Variants in CCDC171 observed in about 807,000 individuals in gnomAD.
CCDC171 encodes the protein coiled-coil domain containing 171.
In CCDC171, 177 loss-of-function variants were observed where a neutral mutation model predicts 168.2. That is an observed-to-expected ratio of 1.05 (90% CI 0.93 to 1.19). The LOEUF is 1.19. Among genes scored for constraint, CCDC171 ranks in the 50% most tolerant of loss-of-function variants. The probability of loss-of-function intolerance (pLI) is 0.00; values close to 1 mark genes in which losing one functional copy is unlikely to be tolerated. For missense variants in CCDC171, 1,991 were observed against 1,539.0 expected, an observed-to-expected ratio of 1.29 and a Z score of -4.91; for synonymous variants, 687 against 540.8, an observed-to-expected ratio of 1.27 and a Z score of -3.75.
intron 6 of CCDC171, among the ~76,000 whole-genome samples, chr9:15,599,509 G>C (rs971652722): frequency 1.3e-5 from 2 of 152,122 alleles, no homozygotes; most frequent in Admixed American, 6.6e-5. Context: ...ATTTTCTGCC[G>C]AGAGATCCGC....
At chr9:15,675,404 A>C (rs1014728791) in intron 9 of CCDC171, among the ~76,000 whole-genome samples, 2 of 152,004 alleles carry the variant, frequency 1.3e-5, no homozygotes, top group African/African-American at 2.4e-5. Flanking sequence ...TGTGAATCTG[A>C]TCCTGTCATT....
At chr9:15,632,898 C>G (rs1393109084) in intron 7 of CCDC171, among the ~76,000 whole-genome samples, 1 of 152,096 alleles carries the variant, frequency 6.6e-6, no homozygotes, top group Non-Finnish European at 1.5e-5. Flanking sequence ...CTTTGACAAA[C>G]CTGAGAAAAA....
chr9:16,076,000 G>A, the CCDC171 span, among the ~76,000 whole-genome samples: 149 of 152,296 alleles, frequency 9.8e-4, no homozygotes, highest in African/African-American at 3.5e-3. Flanking sequence ...ACTCCTTATT[G>A]CAAGTGATAG....
chr9:16,059,802 C>T (rs951362926), intron 1 of CCDC171, among the ~76,000 whole-genome samples: 18 of 151,552 alleles, frequency 1.2e-4, no homozygotes, highest in African/African-American at 3.9e-4. Context: ...GCGTGAGCCA[C>T]CGCGCCTGGC....
intron 18 of CCDC171, among the ~76,000 whole-genome samples, chr9:15,773,800 TA>T (rs1238394256): frequency 6.6e-6 from 1 of 152,034 alleles, no homozygotes; most frequent in Non-Finnish European, 1.5e-5. Context: ...GGGGCATAAT[TA>T]AACTAAAAAG....
intron 18 of CCDC171, among the ~76,000 whole-genome samples, chr9:15,772,613 G>T (rs1174284261): frequency 6.6e-6 from 1 of 152,190 alleles, no homozygotes; most frequent in Non-Finnish European, 1.5e-5. Flanking sequence ...AGATGTTCCT[G>T]TGAAAGTAAG....
chr9:15,572,975 A>G (rs1209122842), intron 3 of CCDC171, among the ~76,000 whole-genome samples: 3 of 152,180 alleles, frequency 2.0e-5, no homozygotes, highest in Non-Finnish European at 2.9e-5. Flanking sequence ...CCTGGCCAAC[A>G]TGGTGAAACC....
intron 3 of CCDC171, among the ~76,000 whole-genome samples, chr9:15,985,665 A>G (rs1042216214): frequency 2.0e-5 from 3 of 152,256 alleles, no homozygotes; most frequent in African/African-American, 7.2e-5. Flanking sequence ...CAATTTAGGA[A>G]GAAACAAGTT....
chr9:15,794,943 C>T (rs1486078410), intron 21 of CCDC171, among the ~76,000 whole-genome samples: 1 of 152,220 alleles, frequency 6.6e-6, no homozygotes, highest in Non-Finnish European at 1.5e-5. Context: ...CTACTGTCAT[C>T]ACTTTCTTGA....
chr9:15,807,637 TCAATTGCC>T lies in CCDC171; in HGVS notation c.3267+22944_3267+22951del, dbSNP rs149438367. On this transcript the variant is annotated intron_variant, in intron 21 of 25. Coordinates refer to ENST00000380701, the MANE Select transcript of CCDC171 (RefSeq NM_173550.4). ...GCTTACTACTTTGCTCTTCAGTTGC[TCAATTGCC>T]TTACCTTATGGATTTTTTTTACTCT... is the stretch of plus-strand genomic sequence containing the variant. Among the ~76,000 whole-genome samples, 1,050 of 152,182 alleles carry T rather than the reference TCAATTGCC, an allele frequency of 6.9e-3. 9 individuals are homozygous for T. The highest frequency in any genetic ancestry group is 0.024 in the African/African-American group (997 of 41,496).
chr9:15,701,089 G>A (rs890263369), intron 11 of CCDC171, among the ~76,000 whole-genome samples: 2 of 151,970 alleles, frequency 1.3e-5, no homozygotes, highest in Non-Finnish European at 2.9e-5. Flanking sequence ...GGATCGTTTG[G>A]GTGTTTTTTT....
At chr9:15,767,967 T>A (rs1170286212) in intron 18 of CCDC171, among the ~76,000 whole-genome samples, 1 of 149,954 alleles carries the variant, frequency 6.7e-6, no homozygotes, top group Non-Finnish European at 1.5e-5. Context: ...ACTCCTGAGC[T>A]TAGGCAGTGC....
At chr9:16,055,275 G>A (rs1833820215) in intron 1 of CCDC171, among the ~76,000 whole-genome samples, 1 of 152,166 alleles carries the variant, frequency 6.6e-6, no homozygotes, top group Non-Finnish European at 1.5e-5. Flanking sequence ...GCCCAGAGAT[G>A]TTTTGGCAGA....
chr9:16,013,084 C>G (rs982398395), intron 3 of CCDC171, among the ~76,000 whole-genome samples: 3 of 152,184 alleles, frequency 2.0e-5, no homozygotes, highest in African/African-American at 4.8e-5. Flanking sequence ...GTCCCCAACT[C>G]TCTTCCTTCA....
chr9:15,981,857 T>G (rs1831806908), intron 3 of CCDC171, among the ~76,000 whole-genome samples: 1 of 152,158 alleles, frequency 6.6e-6, no homozygotes, highest in Non-Finnish European at 1.5e-5. Context: ...TGAAAAAGCG[T>G]CTGAAGTTCT....
At chr9:15,931,457 T>A (rs1826493755) in intron 25 of CCDC171, among the ~76,000 whole-genome samples, 1 of 47,124 alleles carries the variant, frequency 2.1e-5, no homozygotes, top group Non-Finnish European at 5.4e-5. Context: ...TCTTTCTTTC[T>A]TTTTTTTTTT....
chr9:15,646,990 C>A (rs1401418804), intron 7 of CCDC171, among the ~76,000 whole-genome samples: 1 of 152,182 alleles, frequency 6.6e-6, no homozygotes, highest in Non-Finnish European at 1.5e-5. Flanking sequence ...AAATTGACCA[C>A]ATAGTTGGAA....
intron 7 of CCDC171, among the ~76,000 whole-genome samples, chr9:15,628,290 C>G (rs551959949): frequency 2.6e-5 from 4 of 152,292 alleles, no homozygotes; most frequent in Admixed American, 1.3e-4. Flanking sequence ...AAAGGGATGA[C>G]AGGTGGCACC....
At chr9:15,577,171 T>C (rs1426818005) in intron 3 of CCDC171, among the ~76,000 whole-genome samples, 1 of 152,216 alleles carries the variant, frequency 6.6e-6, no homozygotes, top group East Asian at 1.9e-4. Context: ...ATTTCCAGGT[T>C]TGTTCATAAC....
Sources: allele counts gnomAD v4.1 joint callset (sites outside exome capture counted in the v4.1 genomes callset), GRCh38; gene constraint gnomAD v4.1.1; transcripts MANE v1.5; gene names NCBI Gene and HGNC (gene_info 2026-07-23, HGNC 2026-07-21).